Variants in PTPRN2 observed in about 807,000 individuals in gnomAD.
PTPRN2 encodes the protein receptor-type tyrosine-protein phosphatase N2.
PTPRN2 carries 74 observed loss-of-function variants against 118.8 expected under a neutral mutation model. That is an observed-to-expected ratio of 0.62 (90% CI 0.52 to 0.76). The LOEUF (loss-of-function observed/expected upper bound fraction) is 0.76, where lower values mean the gene tolerates loss of function less well. PTPRN2 is among the 30% of genes least tolerant of loss of function. The pLI is 0.00. For missense variants in PTPRN2, 1,481 were observed against 1,394.4 expected (o/e 1.06, Z -0.99); for synonymous variants, 641 against 608.0 (o/e 1.05, Z -0.80).
intron 2 of PTPRN2, among the ~76,000 whole-genome samples, chr7:158,331,066 C>A: frequency 7.2e-6 from 1 of 138,190 alleles, no homozygotes; most frequent in Non-Finnish European, 1.6e-5. Context: ...GTCACTCACA[C>A]CCACACTCTC....
chr7:158,131,957 GCA>G (rs1482708403), intron 9 of PTPRN2, among the ~76,000 whole-genome samples: 6 of 142,956 alleles, frequency 4.2e-5, no homozygotes, highest in Non-Finnish European at 9.2e-5. Flanking sequence ...ATGCAAATAC[GCA>G]CAGATACACA....
intron 12 of PTPRN2, among the ~76,000 whole-genome samples, chr7:157,822,603 T>C (rs1405315832): frequency 2.6e-5 from 4 of 151,842 alleles, no homozygotes; most frequent in East Asian, 3.9e-4. Context: ...CATCCAATCA[T>C]CCACTATCCA....
chr7:157,999,700 G>A (rs1434751429), intron 11 of PTPRN2, among the ~76,000 whole-genome samples: 6 of 152,190 alleles, frequency 3.9e-5, no homozygotes, highest in Middle Eastern at 3.4e-3. Flanking sequence ...ACCTGATAAC[G>A]AGTTCCGTAA....
intron 10 of PTPRN2, among the ~76,000 whole-genome samples, chr7:158,098,640 T>A (rs971085381): frequency 2.0e-5 from 3 of 152,170 alleles, no homozygotes; most frequent in African/African-American, 7.2e-5. Context: ...CGCCCCGGCC[T>A]GGCATCTGCC....
intron 14 of PTPRN2, among the ~76,000 whole-genome samples, chr7:157,646,800 G>C (rs1388328516): frequency 1.3e-5 from 2 of 152,230 alleles, no homozygotes; most frequent in African/African-American, 2.4e-5. Context: ...GTCTGCACCG[G>C]GCCCAAAGGC....
intron 4 of PTPRN2, among the ~76,000 whole-genome samples, chr7:158,193,030 C>G (rs1320611345): frequency 6.6e-6 from 1 of 152,248 alleles, no homozygotes; most frequent in Non-Finnish European, 1.5e-5. Flanking sequence ...AGCCTCGGGA[C>G]GTCCATGCAG....
chr7:158,560,688 T>C (rs979828212), intron 1 of PTPRN2, among the ~76,000 whole-genome samples: 13 of 152,228 alleles, frequency 8.5e-5, no homozygotes, highest in Non-Finnish European at 1.8e-4. Flanking sequence ...CAGGGGCACA[T>C]GGGCGGCACT....
At chr7:158,203,481 C>A (rs950527963) in intron 4 of PTPRN2, among the ~76,000 whole-genome samples, 1 of 152,106 alleles carries the variant, frequency 6.6e-6, no homozygotes, top group Non-Finnish European at 1.5e-5. Context: ...AATCCAGGCG[C>A]CTCTCCATGG....
At position 157,560,235 on chromosome 7, in the gene PTPRN2, G is replaced by A. The variant is rs1585032015; in HGVS notation, c.2902+8667C>T. ...GGTCAGCCTGACCCCTTGAAGGTGG[G>A]AGACCCCTTGAAGGTGGGAGACCTG... is the stretch of plus-strand genomic sequence containing the variant. On this transcript the variant is annotated intron_variant, in intron 21 of 22. Transcript: ENST00000389418. The surrounding 1 kb of genome is among the most constrained non-coding windows in gnomAD (Gnocchi z 6.7). 6.6e-6 allele frequency among the ~76,000 whole-genome samples: 1 copy of A among 152,238 alleles called. No individual in the cohort carries two copies. Among genetic ancestry groups the A allele is most frequent in the African/African-American group, 2.4e-5 (1 of 41,528 alleles).
intron 12 of PTPRN2, among the ~76,000 whole-genome samples, chr7:157,718,614 C>T (rs929254351): frequency 2.0e-5 from 3 of 151,860 alleles, no homozygotes; most frequent in Non-Finnish European, 4.4e-5. Context: ...TGAGGTGACA[C>T]TGCAGCCTCT....
At chr7:157,663,323 G>C (rs765943279) in intron 13 of PTPRN2, among the ~76,000 whole-genome samples, 1 of 152,136 alleles carries the variant, frequency 6.6e-6, no homozygotes, top group Non-Finnish European at 1.5e-5. Flanking sequence ...ACTGGCTGTC[G>C]GCCGTCCTGC....
chr7:157,851,581 C>T (rs920243602), intron 12 of PTPRN2, among the ~76,000 whole-genome samples: 5 of 150,542 alleles, frequency 3.3e-5, no homozygotes, highest in Admixed American at 6.6e-5. Context: ...GTCCATATCC[C>T]GAGGGAGGGA....
chr7:157,935,840 C>T (rs893683010), intron 11 of PTPRN2, among the ~76,000 whole-genome samples: 29 of 146,974 alleles, frequency 2.0e-4, no homozygotes, highest in Non-Finnish European at 3.3e-4. Flanking sequence ...GGGGGTCTAG[C>T]CATCCTCAGC....
intron 12 of PTPRN2, among the ~76,000 whole-genome samples, chr7:157,836,378 CTAGGAGTG>C (rs1215991729): frequency 6.6e-6 from 1 of 152,154 alleles, no homozygotes; most frequent in Non-Finnish European, 1.5e-5. Context: ...AGTTAGATTT[CTAGGAGTG>C]TATCCTAAAG....
At position 157,891,057 on chromosome 7, in the gene PTPRN2, C is replaced by T. The variant is rs148756120; in HGVS notation, c.1788+7616G>A. 5.8e-3 allele frequency among the ~76,000 whole-genome samples: 884 copies of T among 152,324 alleles called. 10 individuals are homozygous for T. The highest frequency in any genetic ancestry group is 0.02 in the African/African-American group (844 of 41,578). On this transcript the variant is annotated intron_variant, in intron 12 of 22. Coordinates refer to ENST00000389418, the MANE Select transcript of PTPRN2 (RefSeq NM_002847.5). ...CTGTGGGCAAAGGCCCCCCTCTGTC[C>T]CGTCCTCTCCTGGGTCACACCTGGG... is the stretch of plus-strand genomic sequence containing the variant.
intron 12 of PTPRN2, among the ~76,000 whole-genome samples, chr7:157,774,292 CATG>C (rs1688716932): frequency 6.6e-6 from 1 of 152,216 alleles, no homozygotes; most frequent in Admixed American, 6.5e-5. Context: ...CACCATCCTC[CATG>C]ATGTCTTTAT....
At chr7:158,248,754 AT>A (rs1796426428) in intron 3 of PTPRN2, among the ~76,000 whole-genome samples, 12 of 53,296 alleles carry the variant, frequency 2.3e-4, no homozygotes, top group Admixed American at 1.8e-3. Context: ...ACGCACACAC[AT>A]CACACATATG....
chr7:157,558,278 G>T (rs569409482), intron 21 of PTPRN2, among the ~76,000 whole-genome samples: 1 of 152,210 alleles, frequency 6.6e-6, no homozygotes, highest in African/African-American at 2.4e-5. Context: ...CGTCTGTGCT[G>T]ACAGAAGAGG....
intron 2 of PTPRN2, among the ~76,000 whole-genome samples, chr7:158,397,611 C>T (rs1226859342): frequency 6.6e-6 from 1 of 152,142 alleles, no homozygotes; most frequent in Non-Finnish European, 1.5e-5. Flanking sequence ...AAATGTCATA[C>T]CATTTGGGCA....
Sources: gnomAD v4.1 joint callset for allele counts (sites outside exome capture counted in the v4.1 genomes callset) on GRCh38, gnomAD v4.1.1 for gene constraint, Gnocchi (gnomAD v3.1) non-coding constraint, MANE v1.5 for transcripts, NCBI Gene and HGNC (gene_info 2026-07-23, HGNC 2026-07-21) for gene names.